The following SLC25A33 variants were observed in gnomAD, a reference collection of about 807,000 sequenced individuals.
The protein encoded by SLC25A33 is bone marrow stromal cell mitochondrial carrier protein.
A neutral mutation model predicts 35.5 loss-of-function variants in SLC25A33; 15 were observed. The observed-to-expected ratio is 0.42, with a 90% CI of 0.28 to 0.65. The LOEUF (loss-of-function observed/expected upper bound fraction) is 0.65. Ranked by LOEUF, SLC25A33 falls within the 30% of genes least tolerant of loss-of-function variation. SLC25A33 has a pLI of 0.20. For synonymous variants in SLC25A33, 136 were observed against 148.7 expected, an observed-to-expected ratio of 0.91 and a Z score of 0.62; for missense variants, 257 against 398.5, an observed-to-expected ratio of 0.64 and a Z score of 3.02.
rs58092940 is a variant in SLC25A33, at chr1:9,552,910, CTTTTTTTT to C, written c.57-698_57-691del. ...TTACCCTTTAGCTCTGGGATTTCAACTTTTTTTTTTTTTTTTTTTTTTTTTGAGATGGA... is the reference window on the plus strand; with the variant it reads ...TTACCCTTTAGCTCTGGGATTTCAACTTTTTTTTTTTTTTTTTGAGATGGA... On this transcript the variant is annotated intron_variant, in intron 1 of 6. Transcript: ENST00000302692. Among the ~76,000 whole-genome samples the C allele has an allele frequency of 3.7e-3, 345 of 94,198 alleles. 1 individual carries two copies. Among genetic ancestry groups the C allele is most frequent in the African/African-American group, 0.014 (334 of 23,052 alleles). The allele number at this position is 94,198 out of a possible 152,430, so 61.8% of individuals were successfully genotyped here. A position where few individuals can be genotyped will look rare whatever the true frequency, so the allele number is the denominator to read the frequency against.
At position 9,582,682 on chromosome 1, in the gene SLC25A33, C is replaced by T. The variant is rs955416683; in HGVS notation, c.*181C>T. 8 of 614,518 alleles carry T rather than the reference C, an allele frequency of 1.3e-5. No individual in the cohort carries two copies. Among genetic ancestry groups the T allele is most frequent in the South Asian group, 2.3e-5 (1 of 43,704 alleles). 38.1% of individuals were successfully genotyped at this position (614,518 alleles called of 1,614,324 possible). A position where few individuals can be genotyped will look rare whatever the true frequency, so the allele number is the denominator to read the frequency against. On this transcript the variant is annotated 3_prime_UTR_variant, in exon 7 of 7. Transcript: ENST00000302692. This position sits in a 1 kb window ranked among gnomAD's most constrained non-coding sequence, Gnocchi z 4.0. ...TTTCTGGAAGGTTTAAATTCATTAACGTTAATAGTTAATTATAACTTTTTT... is the reference window on the plus strand; with the variant it reads ...TTTCTGGAAGGTTTAAATTCATTAATGTTAATAGTTAATTATAACTTTTTT...
intron 4 of SLC25A33, among the ~76,000 whole-genome samples, chr1:9,573,125 A>G (rs1643613505): frequency 6.6e-6 from 1 of 152,144 alleles, no homozygotes; most frequent in Non-Finnish European, 1.5e-5. Flanking sequence ...GATTCTAGAA[A>G]ATTAAGAGAA....
chr1:9,539,894 G>A (rs1349089614), intron 1 of SLC25A33, 147 bp downstream of exon 1: 1 of 692,162 alleles, frequency 1.4e-6, no homozygotes, highest in African/African-American at 1.9e-5. Context: ...CCCGGCGTCG[G>A]GGACTGGTGG....
chr1:9,554,533 A>G (rs371632613), intron 2 of SLC25A33, among the ~76,000 whole-genome samples: 2 of 150,994 alleles, frequency 1.3e-5, no homozygotes, highest in South Asian at 2.1e-4. Context: ...CTAATTTTGT[A>G]TTTTTCATAG....
At chr1:9,570,440 G>C in intron 4 of SLC25A33, 82 bp downstream of exon 4, 2 of 1,189,052 alleles carry the variant, frequency 1.7e-6, no homozygotes, top group East Asian at 2.4e-5. Flanking sequence ...CCAGGAATTA[G>C]AAATTAGCTC....
intron 2 of SLC25A33, among the ~76,000 whole-genome samples, chr1:9,554,840 G>A (rs762617825): frequency 2.0e-5 from 3 of 152,128 alleles, no homozygotes; most frequent in Non-Finnish European, 4.4e-5. Flanking sequence ...TGGCTTATCA[G>A]TCTATGCATA....
intron 2 of SLC25A33, among the ~76,000 whole-genome samples, chr1:9,561,669 T>G (rs1201549244): frequency 6.6e-6 from 1 of 152,128 alleles, no homozygotes; most frequent in Non-Finnish European, 1.5e-5. Context: ...CCTGAGTCAC[T>G]TGAGGACACG....
intron 5 of SLC25A33, among the ~76,000 whole-genome samples, chr1:9,575,382 C>A (rs1053244643): frequency 1.3e-5 from 2 of 151,230 alleles, no homozygotes; most frequent in African/African-American, 4.9e-5. Flanking sequence ...TTTGGGAGGC[C>A]GAGGCGGGTG....
intron 1 of SLC25A33, 70 bp downstream of exon 1, chr1:9,539,817 C>A: frequency 8.1e-7 from 1 of 1,227,438 alleles, no homozygotes; most frequent in Non-Finnish European, 1.0e-6. Flanking sequence ...CCGGGCGCGG[C>A]CCCAGCCTCC....
intron 5 of SLC25A33, 112 bp downstream of exon 5, chr1:9,573,524 G>A (rs948369315): frequency 2.5e-5 from 21 of 855,172 alleles, no homozygotes; most frequent in Non-Finnish European, 3.5e-5. Flanking sequence ...CCCCCTCCTC[G>A]TTTCCTTAAT....
intron 1 of SLC25A33, among the ~76,000 whole-genome samples, chr1:9,543,793 G>T (rs1255075067): frequency 2.0e-5 from 3 of 152,092 alleles, no homozygotes; most frequent in Admixed American, 6.6e-5. Context: ...ATTTTAATGG[G>T]AATATAGTAT....
intron 2 of SLC25A33, among the ~76,000 whole-genome samples, chr1:9,556,701 CTGTG>C (rs929871520): frequency 4.0e-5 from 6 of 150,706 alleles, no homozygotes; most frequent in African/African-American, 1.2e-4. Flanking sequence ...GTGTGTGTGT[CTGTG>C]TGTGTGTCTG....
At position 9,578,373 on chromosome 1, in the gene SLC25A33, G is replaced by A. The variant is rs375325494; in HGVS notation, c.483-1581G>A. ...AGGGGCCCCAGGTCTGCGCCCGCTC[G>A]GAGGGGTCTGTGATGTGTGACCGGT... On this transcript the variant is annotated intron_variant, in intron 5 of 6. Coordinates refer to ENST00000302692, the MANE Select transcript of SLC25A33 (RefSeq NM_032315.3). This position sits in a 1 kb window ranked among gnomAD's most constrained non-coding sequence, Gnocchi z 4.3. 3.3e-5 allele frequency among the ~76,000 whole-genome samples: 5 copies of A among 152,304 alleles called. No individual in the cohort carries two copies. In the East Asian group the frequency reaches 5.8e-4, roughly 18 times the overall value.
At position 9,574,395 on chromosome 1, in the gene SLC25A33, T is replaced by C. The variant is rs116244440; in HGVS notation, c.482+983T>C. On this transcript the variant is annotated intron_variant, in intron 5 of 6. Coordinates refer to ENST00000302692, the MANE Select transcript of SLC25A33 (RefSeq NM_032315.3). ...CGTGAACCACCACACCAGGCCTTAA[T>C]AAGGTTTTTAAAAATACACTTGTCA... Among the ~76,000 whole-genome samples the C allele has an allele frequency of 9.6e-3, 1,469 of 152,304 alleles. 20 individuals are homozygous for C. The highest frequency in any genetic ancestry group is 0.033 in the African/African-American group (1,372 of 41,580).
At chr1:9,553,587 T>G (rs1643299491) in intron 1 of SLC25A33, 39 bp from the exon 2 acceptor site, 11 of 1,606,320 alleles carry the variant, frequency 6.8e-6, no homozygotes, top group Non-Finnish European at 8.5e-6. Flanking sequence ...GTGTAGGGAA[T>G]AGTATAGCTT....
intron 2 of SLC25A33, chr1:9,556,358 G>C (rs1244121445): frequency 4.9e-6 from 3 of 616,276 alleles, no homozygotes; most frequent in African/African-American, 4.0e-5. Flanking sequence ...TTACCCAAAA[G>C]TGTGGGTGTC....
intron 2 of SLC25A33, among the ~76,000 whole-genome samples, chr1:9,557,430 A>G (rs1643359931): frequency 6.6e-6 from 1 of 152,138 alleles, no homozygotes; most frequent in Non-Finnish European, 1.5e-5. Context: ...ACGGTGGCTC[A>G]TGCCTGTATT....
chr1:9,561,251 G>C lies in SLC25A33; in HGVS notation c.237-6033G>C, dbSNP rs143665543. On this transcript the variant is annotated intron_variant, in intron 2 of 6. Coordinates refer to ENST00000302692, the MANE Select transcript of SLC25A33 (RefSeq NM_032315.3). ...AGCCACCGCGCGCAGCCCTCTTTTT[G>C]TTTTTTCAAGTGCCTTTTTCATTGA... 5.2e-3 allele frequency among the ~76,000 whole-genome samples: 789 copies of C among 152,106 alleles called. 21 individuals are homozygous for C. The highest frequency in any genetic ancestry group is 0.033 in the Admixed American group (510 of 15,250).
intron 1 of SLC25A33, among the ~76,000 whole-genome samples, chr1:9,541,303 G>A (rs186196477): frequency 2.5e-3 from 376 of 152,172 alleles, no homozygotes; most frequent in Non-Finnish European, 4.6e-3. Context: ...ACAGGCACCC[G>A]CCACTACGCC....
Sources: gnomAD v4.1 joint callset for allele counts (sites outside exome capture counted in the v4.1 genomes callset) on GRCh38, gnomAD v4.1.1 for gene constraint, Gnocchi (gnomAD v3.1) non-coding constraint, MANE v1.5 for transcripts, NCBI Gene and HGNC (gene_info 2026-07-23, HGNC 2026-07-21) for gene names.